XRCC4: variants seen among roughly 807,000 people sequenced by gnomAD.
XRCC4 encodes the protein DNA repair protein XRCC4.
A neutral mutation model predicts 39.1 loss-of-function variants in XRCC4; 28 were observed. The ratio of observed to expected loss-of-function variants is 0.72; its 90% confidence interval spans 0.53 to 0.98. XRCC4 has a LOEUF of 0.98. XRCC4 is among the 50% of genes least tolerant of loss of function. XRCC4 has a pLI of 0.00. For missense variants in XRCC4, 350 were observed against 376.4 expected (o/e 0.93, Z 0.58); for synonymous variants, 123 against 126.4 (o/e 0.97, Z 0.18).
At chr5:83,195,959 G>A (rs1162600253) in intron 4 of XRCC4, 23 bp downstream of exon 4, 3 of 1,541,468 alleles carry the variant, frequency 1.9e-6, no homozygotes, top group African/African-American at 1.4e-5. Flanking sequence ...TTTGCTTGTG[G>A]TATAAAAATA....
chr5:83,114,491 A>G (rs1217738139), intron 3 of XRCC4, among the ~76,000 whole-genome samples: 1 of 152,162 alleles, frequency 6.6e-6, no homozygotes, highest in African/African-American at 2.4e-5. Context: ...AAGGGGCAAA[A>G]TGCCCCCAGT....
chr5:83,163,473 A>G (rs555495413), intron 3 of XRCC4, among the ~76,000 whole-genome samples: 4 of 152,322 alleles, frequency 2.6e-5, no homozygotes, highest in African/African-American at 9.6e-5. Context: ...ATTTTATTGG[A>G]CACATAGCTG....
At chr5:83,246,391 C>T (rs1168438776) in intron 6 of XRCC4, among the ~76,000 whole-genome samples, 1 of 152,018 alleles carries the variant, frequency 6.6e-6, no homozygotes, top group Non-Finnish European at 1.5e-5. Flanking sequence ...CAGTGTTGGC[C>T]TTATAATGAA....
intron 1 of XRCC4, among the ~76,000 whole-genome samples, chr5:83,081,566 G>A (rs1411670413): frequency 6.6e-6 from 1 of 152,076 alleles, no homozygotes; most frequent in Non-Finnish European, 1.5e-5. Flanking sequence ...TAGATGATAG[G>A]TGTTAATCTC....
intron 3 of XRCC4, among the ~76,000 whole-genome samples, chr5:83,168,257 G>A (rs148645798): frequency 4.2e-4 from 64 of 151,936 alleles, no homozygotes; most frequent in African/African-American, 1.2e-3. Flanking sequence ...TTTTATTATC[G>A]TACCAATAAT....
intron 3 of XRCC4, among the ~76,000 whole-genome samples, chr5:83,138,674 T>C (rs2112510063): frequency 6.6e-6 from 1 of 152,232 alleles, no homozygotes; most frequent in African/African-American, 2.4e-5. Flanking sequence ...GGATTATCCA[T>C]TTCCATACTT....
intron 7 of XRCC4, among the ~76,000 whole-genome samples, chr5:83,322,509 C>T (rs112340904): frequency 6.6e-6 from 1 of 152,266 alleles, no homozygotes; most frequent in Admixed American, 6.5e-5. Context: ...CCCCAACCGC[C>T]GCATGCGCAT....
chr5:83,322,075 G>A (rs895872690), intron 7 of XRCC4, among the ~76,000 whole-genome samples: 1 of 151,302 alleles, frequency 6.6e-6, no homozygotes, highest in Non-Finnish European at 1.5e-5. Flanking sequence ...GTACTGTTAA[G>A]CTGTTTCTTA....
chr5:83,320,545 G>GA (rs1373644474), intron 7 of XRCC4, among the ~76,000 whole-genome samples: 1 of 151,890 alleles, frequency 6.6e-6, no homozygotes, highest in Non-Finnish European at 1.5e-5. Flanking sequence ...TTCTACTGAG[G>GA]AAAAAATGCT....
At position 83,127,775 on chromosome 5, in the gene XRCC4, A is replaced by T. The variant is rs139613804; in HGVS notation, c.315+16572A>T. On this transcript the variant is annotated intron_variant, in intron 3 of 7. Transcript: ENST00000396027. Reference sequence around the variant, plus strand: ...TTCATTTAATATTCCTTATCATGTGAGTCTGCTTAGGATGAATTCTATCGG... The same window carrying T: ...TTCATTTAATATTCCTTATCATGTGTGTCTGCTTAGGATGAATTCTATCGG... Among the ~76,000 whole-genome samples, 7 of 151,934 alleles carry T rather than the reference A, an allele frequency of 4.6e-5. No individual in the cohort carries two copies. In the East Asian group the frequency reaches 1.4e-3, roughly 30 times the overall value.
intron 3 of XRCC4, among the ~76,000 whole-genome samples, chr5:83,129,166 A>G (rs559388574): frequency 2.0e-5 from 3 of 147,786 alleles, no homozygotes; most frequent in South Asian, 2.2e-4. Flanking sequence ...GGTGTAAGGA[A>G]GGGACCCAGT....
At chr5:83,239,822 C>CT (rs894141109) in intron 6 of XRCC4, among the ~76,000 whole-genome samples, 3 of 147,984 alleles carry the variant, frequency 2.0e-5, no homozygotes, top group Admixed American at 6.7e-5. Flanking sequence ...GAGCAAGACT[C>CT]TGTCTCAAAA....
intron 1 of XRCC4, among the ~76,000 whole-genome samples, chr5:83,103,009 G>GATATATATAT (rs56183616): frequency 0.059 from 6,255 of 106,258 alleles, 383 homozygotes; most frequent in East Asian, 0.1. Flanking sequence ...AGATAGAGCT[G>GATATATATAT]ATATATATAT....
intron 1 of XRCC4, among the ~76,000 whole-genome samples, chr5:83,085,212 C>A (rs1745126198): frequency 6.6e-6 from 1 of 152,134 alleles, no homozygotes; most frequent in Admixed American, 6.5e-5. Context: ...GAAACAGAAG[C>A]ACATGGCTGC....
intron 7 of XRCC4, among the ~76,000 whole-genome samples, chr5:83,273,799 A>G (rs765481186): frequency 2.4e-4 from 37 of 152,044 alleles, no homozygotes; most frequent in Non-Finnish European, 5.0e-4. Flanking sequence ...TGCCAGTACC[A>G]TGCTGTTTTG....
intron 3 of XRCC4, among the ~76,000 whole-genome samples, chr5:83,163,865 G>A (rs182612681): frequency 6.6e-6 from 1 of 152,332 alleles, no homozygotes; most frequent in East Asian, 1.9e-4. Context: ...AGCTTGAGAT[G>A]TAGCAAATTG....
intron 3 of XRCC4, among the ~76,000 whole-genome samples, chr5:83,172,929 T>G (rs6890735): frequency 0.49 from 74,537 of 151,996 alleles, 19,230 homozygotes; most frequent in African/African-American, 0.63. Flanking sequence ...GTGGCTGTTC[T>G]TAGTGATGAC....
intron 6 of XRCC4, among the ~76,000 whole-genome samples, chr5:83,234,380 A>G (rs1344385738): frequency 6.6e-6 from 1 of 152,048 alleles, no homozygotes; most frequent in Non-Finnish European, 1.5e-5. Context: ...TTATTTATTC[A>G]TTCATTTATT....
At chr5:83,290,394 G>A (rs1754882993) in intron 7 of XRCC4, among the ~76,000 whole-genome samples, 1 of 150,676 alleles carries the variant, frequency 6.6e-6, no homozygotes, top group African/African-American at 2.4e-5. Context: ...TAAGAAAATA[G>A]AAACTTAAAT....
Sources: gnomAD v4.1 joint callset for allele counts (sites outside exome capture counted in the v4.1 genomes callset) on GRCh38, gnomAD v4.1.1 for gene constraint, MANE v1.5 for transcripts, NCBI Gene and HGNC (gene_info 2026-07-23, HGNC 2026-07-21) for gene names.